The following ASZ1 variants were observed in gnomAD, a reference collection of about 807,000 sequenced individuals.
ASZ1 encodes ankyrin repeat, SAM and basic leucine zipper domain-containing protein 1.
A neutral mutation model predicts 61.8 loss-of-function variants in ASZ1; 67 were observed. That is an observed-to-expected ratio of 1.08 (90% CI 0.89 to 1.33). ASZ1 has a LOEUF of 1.33. Ranked by LOEUF, ASZ1 falls within the 40% of genes most tolerant of loss-of-function variation. The pLI is 0.00. For synonymous variants in ASZ1, 193 were observed against 192.7 expected (o/e 1.00, Z -0.01); for missense variants, 577 against 554.5 (o/e 1.04, Z -0.41).
chr7:117,378,738 C>A (rs934090807), intron 10 of ASZ1, among the ~76,000 whole-genome samples: 1 of 151,926 alleles, frequency 6.6e-6, no homozygotes, highest in Non-Finnish European at 1.5e-5. Context: ...ATGTTCATGG[C>A]AGTTTTATTT....
intron 10 of ASZ1, among the ~76,000 whole-genome samples, chr7:117,369,305 T>G (rs564850172): frequency 1.3e-3 from 198 of 152,160 alleles, no homozygotes; most frequent in African/African-American, 4.7e-3. Context: ...GTCACTAAGG[T>G]GTAATTAAAA....
At chr7:117,415,482 G>A (rs933522758) in intron 4 of ASZ1, among the ~76,000 whole-genome samples, 22 of 152,078 alleles carry the variant, frequency 1.4e-4, no homozygotes, top group African/African-American at 5.3e-4. Context: ...AAGATATTTT[G>A]AGAGAAACCA....
intron 4 of ASZ1, among the ~76,000 whole-genome samples, chr7:117,408,515 T>G (rs1796834573): frequency 1.3e-5 from 2 of 152,062 alleles, no homozygotes. Flanking sequence ...AAATTGACCA[T>G]AGGTTGGGTT....
intron 1 of ASZ1, 26 bp downstream of exon 1, chr7:117,427,330 G>T (rs768658637): frequency 8.1e-6 from 13 of 1,610,970 alleles, no homozygotes; most frequent in Non-Finnish European, 9.3e-6. Flanking sequence ...AACCAGGTGT[G>T]GTCAAGACAA....
At chr7:117,385,960 C>T (rs1037175025) in intron 4 of ASZ1, 151 bp from the exon 5 acceptor site, 2 of 649,488 alleles carry the variant, frequency 3.1e-6, no homozygotes, top group Non-Finnish European at 5.2e-6. Context: ...AAAAATCCAA[C>T]CTTCCTGCAA....
intron 4 of ASZ1, among the ~76,000 whole-genome samples, chr7:117,408,162 G>A (rs148963110): frequency 2.6e-5 from 4 of 152,190 alleles, no homozygotes; most frequent in African/African-American, 9.6e-5. Flanking sequence ...AGGGGGTAGT[G>A]TTAAAAATTT....
chr7:117,397,741 C>G (rs78272689), intron 4 of ASZ1, among the ~76,000 whole-genome samples: 70 of 152,366 alleles, frequency 4.6e-4, no homozygotes, highest in African/African-American at 1.7e-3. Flanking sequence ...AAATCCCCAT[C>G]TCTCCACAGC....
intron 3 of ASZ1, among the ~76,000 whole-genome samples, chr7:117,420,755 T>A (rs1797084929): frequency 6.6e-6 from 1 of 152,242 alleles, no homozygotes; most frequent in South Asian, 2.1e-4. Context: ...CCTTTTGTAC[T>A]TCATCTTTCT....
At chr7:117,422,709 A>G (rs1055785264) in intron 2 of ASZ1, among the ~76,000 whole-genome samples, 1 of 152,162 alleles carries the variant, frequency 6.6e-6, no homozygotes, top group African/African-American at 2.4e-5. Flanking sequence ...AAATTAGAAT[A>G]TTATCCCTGG....
At chr7:117,414,227 T>G (rs907560095) in intron 4 of ASZ1, among the ~76,000 whole-genome samples, 2 of 152,156 alleles carry the variant, frequency 1.3e-5, no homozygotes, top group Admixed American at 1.3e-4. Flanking sequence ...ACCTTAATAA[T>G]ATCACATTAA....
chr7:117,384,876 A>G lies in ASZ1; in HGVS notation c.553-16T>C, dbSNP rs377355670. 135 of 1,551,166 alleles carry G rather than the reference A, an allele frequency of 8.7e-5. No homozygotes were observed. Among genetic ancestry groups the G allele is most frequent in the Middle Eastern group, 1.7e-4 (1 of 5,792 alleles). On this transcript the variant is annotated splice_polypyrimidine_tract_variant and intron_variant, in intron 5 of 12. Transcript: ENST00000284629. ...ACGTTAAAGCCTGTAAGTAGGGGGA[A>G]AAGAAGATTGTTTAAAGAGAAGGAG... is the stretch of plus-strand genomic sequence containing the variant.
chr7:117,367,227 T>G, intron 12 of ASZ1, 125 bp downstream of exon 12: 2 of 694,864 alleles, frequency 2.9e-6, no homozygotes, highest in Non-Finnish European at 4.1e-6. Flanking sequence ...TTGGAAACTG[T>G]CCTTTTTCCC....
chr7:117,374,938 T>G (rs1383991722), intron 10 of ASZ1, among the ~76,000 whole-genome samples: 3 of 151,972 alleles, frequency 2.0e-5, no homozygotes, highest in African/African-American at 7.2e-5. Flanking sequence ...ACAGCTTACA[T>G]AAGCAAGAGA....
chr7:117,427,004 T>C, intron 1 of ASZ1, 69 bp from the exon 2 acceptor site: 1 of 1,426,448 alleles, frequency 7.0e-7, no homozygotes, highest in Non-Finnish European at 9.5e-7. Context: ...CAGGAAACAA[T>C]AATGTTTGGT....
chr7:117,384,454 T>C (rs529600292), intron 6 of ASZ1, among the ~76,000 whole-genome samples: 2 of 152,238 alleles, frequency 1.3e-5, no homozygotes, highest in South Asian at 2.1e-4. Flanking sequence ...AATAGTATAT[T>C]ACAATTTTAT....
At chr7:117,372,917 A>T (rs1163026441) in intron 10 of ASZ1, among the ~76,000 whole-genome samples, 1 of 152,186 alleles carries the variant, frequency 6.6e-6, no homozygotes, top group African/African-American at 2.4e-5. Flanking sequence ...ATGATGAAAA[A>T]ATAATTATAT....
chr7:117,375,055 A>T (rs990494687), intron 10 of ASZ1, among the ~76,000 whole-genome samples: 17 of 152,108 alleles, frequency 1.1e-4, no homozygotes, highest in African/African-American at 4.1e-4. Context: ...CCATTGTAAA[A>T]GAAAAAAGAA....
chr7:117,419,701 A>G (rs969839966), intron 4 of ASZ1, among the ~76,000 whole-genome samples: 13 of 152,226 alleles, frequency 8.5e-5, no homozygotes, highest in African/African-American at 3.1e-4. Context: ...GCATCTAGGC[A>G]CTATTACATA....
intron 10 of ASZ1, among the ~76,000 whole-genome samples, chr7:117,370,034 T>C (rs563910990): frequency 6.6e-6 from 1 of 152,220 alleles, no homozygotes; most frequent in East Asian, 1.9e-4. Context: ...TTATGATGAC[T>C]GCAATGGTGA....
Sources: gnomAD v4.1 joint callset for allele counts (sites outside exome capture counted in the v4.1 genomes callset) on GRCh38, gnomAD v4.1.1 for gene constraint, MANE v1.5 for transcripts, NCBI Gene and HGNC (gene_info 2026-07-23, HGNC 2026-07-21) for gene names.